ALKBH4: variants seen among roughly 807,000 people sequenced by gnomAD.
ALKBH4 encodes the protein alpha-ketoglutarate-dependent dioxygenase alkB homolog 4.
In ALKBH4, 8 loss-of-function variants were observed where a neutral mutation model predicts 12.1. The observed-to-expected ratio is 0.66, with a 90% CI of 0.39 to 1.19. The LOEUF (loss-of-function observed/expected upper bound fraction) is 1.19. ALKBH4 is among the 50% of genes most tolerant of loss of function. The pLI, the probability that ALKBH4 is intolerant of heterozygous loss-of-function variation, is 0.01. For missense variants in ALKBH4, 403 were observed against 430.4 expected (o/e 0.94, Z 0.56); for synonymous variants, 195 against 191.6 (o/e 1.02, Z -0.15).
chr7:102,457,223 G>T lies in ALKBH4; in HGVS notation c.*171C>A. ...GTGGCCACGGTCCAGGTGGAAGGGG[G>T]CTGCCTGGAGGTACGTTCCCATCAA... On this transcript the variant is annotated 3_prime_UTR_variant, in exon 3 of 3. Coordinates refer to ENST00000292566, the MANE Select transcript of ALKBH4 (RefSeq NM_017621.4). This position sits in a 1 kb window ranked among gnomAD's most constrained non-coding sequence, Gnocchi z 5.9. The T allele has an allele frequency of 1.4e-6, 1 of 694,864 alleles. No homozygotes were observed. The highest frequency in any genetic ancestry group is 2.3e-6 in the Non-Finnish European group (1 of 431,112). 43.0% of individuals were successfully genotyped at this position (694,864 alleles called of 1,614,324 possible). A position where few individuals can be genotyped will look rare whatever the true frequency, so the allele number is the denominator to read the frequency against.
At chr7:102,459,910 T>C in intron 1 of ALKBH4, 109 bp from the exon 2 acceptor site, 3 of 1,047,146 alleles carry the variant, frequency 2.9e-6, no homozygotes, top group East Asian at 2.8e-5. Context: ...TTCCAGCACT[T>C]TGGGAGGCCG....
At chr7:102,458,786 GACA>G (rs1224435589) in intron 2 of ALKBH4, among the ~76,000 whole-genome samples, 2 of 150,204 alleles carry the variant, frequency 1.3e-5, no homozygotes, top group Admixed American at 6.6e-5. Context: ...GCCAAAAAGT[GACA>G]ACAACGCCAA....
At position 102,457,421 on chromosome 7, in the gene ALKBH4, G is replaced by C; in HGVS notation, c.882C>G (p.Ala294=). The change falls in exon 3 of 3, where the codon GCC becomes GCG. Residue 294 remains alanine (A), a synonymous_variant. Coordinates refer to ENST00000292566, the MANE Select transcript of ALKBH4 (RefSeq NM_017621.4). This position sits in a 1 kb window ranked among gnomAD's most constrained non-coding sequence, Gnocchi z 5.9. The part of the protein sequence containing the change: ...QELGQELLRI[A]LSFQGRPV ...ACACGGGTCTTCCCTGGAAGGAGAG[G>C]GCGATCCGCAGCAGTTCCTGGCCCA... 3 of 1,612,808 alleles carry C rather than the reference G, an allele frequency of 1.9e-6. No homozygotes were observed. Among genetic ancestry groups the C allele is most frequent in the Non-Finnish European group, 2.5e-6 (3 of 1,179,430 alleles).
intron 1 of ALKBH4, among the ~76,000 whole-genome samples, chr7:102,461,157 C>A (rs1797784434): frequency 6.6e-6 from 1 of 152,018 alleles, no homozygotes; most frequent in Non-Finnish European, 1.5e-5. Flanking sequence ...GCCAACATGG[C>A]AAAACCCCGT....
rs1468652403 is a variant in ALKBH4 at position 102,456,849 on chromosome 7, A to G, written c.*545T>C. Reference sequence around the variant, plus strand: ...AATGTTCCCATTTTTTTTTTTTTTCAAAACAGTCTTGCTCTGTCACCGAGG... The same window carrying G: ...AATGTTCCCATTTTTTTTTTTTTTCGAAACAGTCTTGCTCTGTCACCGAGG... On this transcript the variant is annotated 3_prime_UTR_variant, in exon 3 of 3. Transcript: ENST00000292566. The G allele has an allele frequency of 6.7e-6, 1 of 150,036 alleles. No individual in the cohort carries two copies. The highest frequency in any genetic ancestry group is 1.5e-5 in the Non-Finnish European group (1 of 67,626). The allele number at this position is 150,036 out of a possible 1,614,324, so 9.3% of individuals were successfully genotyped here.
Position 102,459,630 on chromosome 7 carries a change from G to C in ALKBH4, c.295C>G (p.Leu99Val). 6.2e-7 allele frequency: 1 copy of C among 1,614,086 alleles called. No homozygotes were observed. Among genetic ancestry groups the C allele is most frequent in the Non-Finnish European group, 8.5e-7 (1 of 1,179,954 alleles). ...TGCTTCCTCCGTCCAGACTGGGAGAGCTTCCAGGGGTCACGGTCCATGAGC... is the reference window on the plus strand; with the variant it reads ...TGCTTCCTCCGTCCAGACTGGGAGACCTTCCAGGGGTCACGGTCCATGAGC... ...VRLMDRDPWK[L>V]SQSGRRKQDY... Residue 99 changes from leucine (L) to valine (V), a missense_variant, in exon 2 of 3, where the codon CTC becomes GTC. Leu to Val is a conservative substitution (Grantham distance 32). Transcript: ENST00000292566.
At chr7:102,464,186 T>C (rs1797878867) in intron 1 of ALKBH4, among the ~76,000 whole-genome samples, 1 of 152,336 alleles carries the variant, frequency 6.6e-6, no homozygotes, top group South Asian at 2.1e-4. Context: ...GAGTTCTTTT[T>C]CTTTTTTTAT....
chr7:102,460,215 C>T (rs574551023), intron 1 of ALKBH4, among the ~76,000 whole-genome samples: 2 of 151,362 alleles, frequency 1.3e-5, no homozygotes, highest in East Asian at 3.9e-4. Flanking sequence ...ATTTCAGCTA[C>T]TCAGGAGGCT....
chr7:102,459,881 C>A, intron 1 of ALKBH4, 80 bp from the exon 2 acceptor site: 1 of 1,334,126 alleles, frequency 7.5e-7, no homozygotes, highest in Non-Finnish European at 1.0e-6. Context: ...AGGCCAGGTG[C>A]GGTGGCTCAC....
intron 1 of ALKBH4, among the ~76,000 whole-genome samples, chr7:102,462,926 G>A (rs952474798): frequency 6.7e-6 from 1 of 148,432 alleles, no homozygotes; most frequent in South Asian, 2.2e-4. Context: ...CCCAAGGTTC[G>A]TCCATGCTGT....
intron 2 of ALKBH4, 120 bp downstream of exon 2, chr7:102,459,484 C>T (rs1160617483): frequency 5.5e-6 from 7 of 1,277,876 alleles, no homozygotes; most frequent in Middle Eastern, 2.7e-4. Flanking sequence ...CTGGGGAACT[C>T]GCCCACTACC....
At chr7:102,463,624 C>G (rs1797856449) in intron 1 of ALKBH4, among the ~76,000 whole-genome samples, 1 of 152,306 alleles carries the variant, frequency 6.6e-6, no homozygotes, top group African/African-American at 2.4e-5. Context: ...GCCACTGAAC[C>G]CGGCCCAGGT....
intron 2 of ALKBH4, among the ~76,000 whole-genome samples, chr7:102,458,876 C>T (rs941946800): frequency 4.0e-5 from 6 of 151,726 alleles, no homozygotes; most frequent in African/African-American, 1.5e-4. Context: ...GGGCTGGGCG[C>T]GGTGGCTCAC....
chr7:102,464,457 G>A (rs927039238), intron 1 of ALKBH4, among the ~76,000 whole-genome samples: 4 of 152,060 alleles, frequency 2.6e-5, no homozygotes, highest in Admixed American at 6.6e-5. Context: ...CGCCAGACCC[G>A]AGAGGCTACG....
rs138583075 is a variant in ALKBH4 at position 102,461,959 on chromosome 7, C to A, written c.124-2158G>T. ...CTGTGGGCCGCTGTCTTTCTCTGTT[C>A]TTCCCTCCAGGGACCTCAGCCCCTT... On this transcript the variant is annotated intron_variant, in intron 1 of 2. Coordinates refer to ENST00000292566, the MANE Select transcript of ALKBH4 (RefSeq NM_017621.4). Among the ~76,000 whole-genome samples the A allele has an allele frequency of 4.4e-3, 675 of 152,318 alleles. 4 individuals carry two copies. The highest frequency in any genetic ancestry group is 0.015 in the African/African-American group (637 of 41,558).
At chr7:102,461,676 TAA>T (rs918030338) in intron 1 of ALKBH4, among the ~76,000 whole-genome samples, 7 of 152,310 alleles carry the variant, frequency 4.6e-5, no homozygotes, top group African/African-American at 9.6e-5. Context: ...AGTAAATTTT[TAA>T]AAAAGAGTTT....
At chr7:102,458,511 G>A (rs1379160684) in intron 2 of ALKBH4, among the ~76,000 whole-genome samples, 1 of 152,134 alleles carries the variant, frequency 6.6e-6, no homozygotes, top group Non-Finnish European at 1.5e-5. Flanking sequence ...TGAGGCTGCG[G>A]TGAGTGGAGA....
intron 1 of ALKBH4, among the ~76,000 whole-genome samples, chr7:102,463,744 T>C (rs1000046552): frequency 2.6e-5 from 4 of 152,246 alleles, no homozygotes. Flanking sequence ...TTAGTTCCTT[T>C]GGATATATAC....
At chr7:102,463,979 C>T (rs1158667106) in intron 1 of ALKBH4, among the ~76,000 whole-genome samples, 1 of 152,118 alleles carries the variant, frequency 6.6e-6, no homozygotes, top group Non-Finnish European at 1.5e-5. Context: ...CTCTCCAGGG[C>T]CTTTGGGACA....
Sources: allele counts gnomAD v4.1 joint callset (sites outside exome capture counted in the v4.1 genomes callset), GRCh38; gene constraint gnomAD v4.1.1; non-coding constraint Gnocchi (gnomAD v3.1); transcripts MANE v1.5; gene names NCBI Gene and HGNC (gene_info 2026-07-23, HGNC 2026-07-21).